The following ACER1 variants were observed in gnomAD, a reference collection of about 807,000 sequenced individuals.
ACER1 encodes the protein alkaline ceramidase 1, also known as CTB-180A7.3.
In ACER1, 28 loss-of-function variants were observed where a neutral mutation model predicts 24.9. The ratio of observed to expected loss-of-function variants is 1.13; its 90% CI spans 0.83 to 1.54. The LOEUF is 1.54. ACER1 is among the 40% of genes most tolerant of loss of function. ACER1 has a pLI of 0.00. For synonymous variants in ACER1, 132 were observed against 131.4 expected, an observed-to-expected ratio of 1.00 and a Z score of -0.03; for missense variants, 352 against 349.3, an observed-to-expected ratio of 1.01 and a Z score of -0.06.
At chr19:6,358,112 C>T in the ACER1 span, among the ~76,000 whole-genome samples, 1 of 152,112 alleles carries the variant, frequency 6.6e-6, no homozygotes, top group Non-Finnish European at 1.5e-5. Flanking sequence ...GGAGCTGCAG[C>T]CCTGGGGCAA....
At chr19:6,340,733 A>C in the ACER1 span, among the ~76,000 whole-genome samples, 2 of 152,104 alleles carry the variant, frequency 1.3e-5, no homozygotes, top group African/African-American at 4.8e-5. Context: ...TTGAGTGATC[A>C]TGGTGCTGAC....
intron 1 of ACER1, among the ~76,000 whole-genome samples, chr19:6,321,140 CT>C (rs879600910): frequency 1.9e-3 from 277 of 143,754 alleles, no homozygotes; most frequent in Middle Eastern, 3.6e-3. Flanking sequence ...AATTTTCTTT[CT>C]TTTTTTTTTT....
intron 1 of ACER1, among the ~76,000 whole-genome samples, chr19:6,323,232 A>G (rs562662507): frequency 7.2e-5 from 11 of 152,234 alleles, no homozygotes; most frequent in South Asian, 4.2e-4. Flanking sequence ...CATCATGGCT[A>G]ACACAGTGAA....
the ACER1 span, among the ~76,000 whole-genome samples, chr19:6,355,192 G>A: frequency 1.6e-4 from 25 of 152,016 alleles, no homozygotes; most frequent in African/African-American, 5.6e-4. Context: ...CCTCCCAGCC[G>A]CCTGCCTTGG....
the ACER1 span, among the ~76,000 whole-genome samples, chr19:6,341,017 C>G: frequency 1.3e-5 from 2 of 152,004 alleles, no homozygotes; most frequent in Admixed American, 6.6e-5. Flanking sequence ...ACCTCGTTTC[C>G]TGCCCCGTCC....
the ACER1 span, chr19:6,343,870 C>T: frequency 6.6e-6 from 1 of 152,258 alleles, no homozygotes; most frequent in African/African-American, 2.4e-5. Flanking sequence ...TGTCCTACAA[C>T]CAGCAACTCA....
intron 3 of ACER1, 97 bp downstream of exon 3, chr19:6,312,052 G>A (rs999756892): frequency 5.9e-5 from 86 of 1,462,138 alleles, no homozygotes; most frequent in Non-Finnish European, 7.9e-5. Flanking sequence ...CCCCAAAGAG[G>A]GTCAAGGGTG....
At chr19:6,347,109 A>AAC in the ACER1 span, among the ~76,000 whole-genome samples, 1 of 113,822 alleles carries the variant, frequency 8.8e-6, no homozygotes, top group Non-Finnish European at 1.6e-5. Flanking sequence ...AAAAAAAAAA[A>AAC]ATATATATAT....
intron 3 of ACER1, among the ~76,000 whole-genome samples, chr19:6,310,675 TC>T (rs1366210877): frequency 1.5e-4 from 22 of 151,680 alleles, no homozygotes; most frequent in African/African-American, 5.1e-4. Context: ...GCTCAGGAGT[TC>T]GAGACCAGCC....
intron 1 of ACER1, 63 bp downstream of exon 1, chr19:6,333,396 T>A: frequency 1.4e-6 from 2 of 1,389,344 alleles, no homozygotes; most frequent in Non-Finnish European, 2.0e-6. Context: ...TAAGGCTGTA[T>A]GGGGAGGAAC....
At chr19:6,347,109 A>AAATATATATATAT in the ACER1 span, among the ~76,000 whole-genome samples, 18 of 113,770 alleles carry the variant, frequency 1.6e-4, no homozygotes, top group African/African-American at 8.6e-4. Context: ...AAAAAAAAAA[A>AAATATATATATAT]ATATATATAT....
chr19:6,333,708 G>A, upstream of ACER1: 1 of 590,198 alleles, frequency 1.7e-6, no homozygotes, highest in Non-Finnish European at 3.0e-6. Context: ...AGTTGCACCA[G>A]GGCAGCCTGG....
At chr19:6,330,596 C>T (rs533609219) in intron 1 of ACER1, among the ~76,000 whole-genome samples, 2 of 150,140 alleles carry the variant, frequency 1.3e-5, no homozygotes, top group Admixed American at 6.6e-5. Context: ...AAGGTGAGAG[C>T]CACCATACCC....
At chr19:6,343,532 T>C in the ACER1 span, among the ~76,000 whole-genome samples, 14 of 152,008 alleles carry the variant, frequency 9.2e-5, no homozygotes, top group Non-Finnish European at 2.1e-4. Flanking sequence ...CCTCCCAACT[T>C]GTGGCTCTAA....
At chr19:6,307,101 A>T in intron 5 of ACER1, 52 bp downstream of exon 5, 1 of 1,606,294 alleles carries the variant, frequency 6.2e-7, no homozygotes, top group Non-Finnish European at 8.5e-7. Context: ...GAGCTTTGGC[A>T]TCTAAGATTC....
chr19:6,322,980 T>G (rs2091638467), intron 1 of ACER1, among the ~76,000 whole-genome samples: 2 of 151,748 alleles, frequency 1.3e-5, no homozygotes, highest in South Asian at 4.2e-4. Context: ...GGTGTGGTGG[T>G]GCACACCTGT....
chr19:6,311,387 C>A (rs1422654908), intron 3 of ACER1, among the ~76,000 whole-genome samples: 1 of 151,452 alleles, frequency 6.6e-6, no homozygotes, highest in Admixed American at 6.6e-5. Context: ...ACTAAAAATA[C>A]AAAAATTAGC....
the ACER1 span, among the ~76,000 whole-genome samples, chr19:6,345,809 C>T: frequency 6.6e-6 from 1 of 151,930 alleles, no homozygotes. Flanking sequence ...AGATGATCCA[C>T]CTGCCTTGGC....
chr19:6,326,564 C>T (rs991300146), intron 1 of ACER1, among the ~76,000 whole-genome samples: 2 of 151,758 alleles, frequency 1.3e-5, no homozygotes, highest in Non-Finnish European at 2.9e-5. Flanking sequence ...CACACTTGCC[C>T]CCCAGAGCAT....
Sources: allele counts gnomAD v4.1 joint callset (sites outside exome capture counted in the v4.1 genomes callset), GRCh38; gene constraint gnomAD v4.1.1; transcripts MANE v1.5; gene names NCBI Gene and HGNC (gene_info 2026-07-23, HGNC 2026-07-21).